The following ENO4 variants were observed in gnomAD, a reference collection of about 807,000 sequenced individuals.
ENO4 encodes 2-phospho-D-glycerate hydro-lyase.
Under a neutral mutation model 63.2 loss-of-function variants are expected in ENO4, and 53 were observed. The observed-to-expected ratio is 0.84, with a 90% CI of 0.67 to 1.05. The LOEUF (loss-of-function observed/expected upper bound fraction) is 1.05. ENO4 is among the 50% of genes least tolerant of loss of function. The pLI is 0.00. For synonymous variants in ENO4, 266 were observed against 283.8 expected, an observed-to-expected ratio of 0.94 and a Z score of 0.63; for missense variants, 719 against 772.0, an observed-to-expected ratio of 0.93 and a Z score of 0.81.
intron 3 of ENO4, among the ~76,000 whole-genome samples, chr10:116,856,906 G>T (rs1200525441): frequency 6.6e-6 from 1 of 151,662 alleles, no homozygotes; most frequent in African/African-American, 2.4e-5. Context: ...GGAGAATGGC[G>T]TGAACCCGGG....
At chr10:116,886,122 C>T (rs1304407975), downstream of ENO4, 1 of 599,580 alleles carries the variant, frequency 1.7e-6, no homozygotes, top group Non-Finnish European at 2.8e-6. Context: ...AAAACCTCAT[C>T]TTTATAAAGA....
Position 116,868,706 on chromosome 10 carries a change from A to T in ENO4, c.1047A>T (p.Gln349His). The T allele has an allele frequency of 6.5e-7, 1 of 1,549,876 alleles. No individual in the cohort carries two copies. The highest frequency in any genetic ancestry group is 8.7e-7 in the Non-Finnish European group (1 of 1,146,332). Reference protein sequence around the residue: ...KKGHDGSKRGQQQITGKMSHL... With the variant: ...KKGHDGSKRGHQQITGKMSHL... ...GGCACGATGGAAGCAAAAGAGGTCAAGTAAGTCTATATATTGTTTACCATC... is the reference window on the plus strand; with the variant it reads ...GGCACGATGGAAGCAAAAGAGGTCATGTAAGTCTATATATTGTTTACCATC... The change falls in exon 8 of 14, where the codon CAA becomes CAT. Residue 349 changes from glutamine (Q) to histidine (H), a missense_variant and splice_region_variant. Gln to His is a conservative substitution (Grantham distance 24). Coordinates refer to ENST00000341276, the MANE Select transcript of ENO4 (RefSeq NM_001242699.2).
chr10:116,900,419 G>T (rs1017239497), intron 10 of ENO4: 3 of 864,512 alleles, frequency 3.5e-6, no homozygotes, highest in African/African-American at 1.7e-5. Flanking sequence ...CACATATTTT[G>T]CAGACCTTGG....
downstream of ENO4, chr10:116,886,058 G>A: frequency 2.5e-6 from 1 of 399,722 alleles, no homozygotes; most frequent in East Asian, 4.4e-5. Flanking sequence ...ATCAACATCT[G>A]AATTTTTTTG....
At chr10:116,892,544 T>C (rs4262647) in intron 10 of ENO4, among the ~76,000 whole-genome samples, 1 of 152,216 alleles carries the variant, frequency 6.6e-6, no homozygotes, top group Admixed American at 6.5e-5. Flanking sequence ...ATATATAACA[T>C]TGGTTCCTTA....
chr10:116,894,785 T>C (rs962411820), intron 10 of ENO4, among the ~76,000 whole-genome samples: 1 of 152,152 alleles, frequency 6.6e-6, no homozygotes, highest in African/African-American at 2.4e-5. Flanking sequence ...AAAGTGTGAA[T>C]ATGGATGAAA....
At position 116,862,829 on chromosome 10, in the gene ENO4, CAT is replaced by C. The variant is rs1444001126; in HGVS notation, c.970_971del (p.Ile324GlnfsTer5). 3.2e-6 allele frequency: 5 copies of C among 1,548,986 alleles called. No homozygotes were observed. The African/African-American group carries it at 6.8e-5, about 21-fold the overall frequency. ...CGAGATGCTTATGGAAATGCAGAAA[CAT>C]ATCAACAAAATAATTGAAATGGTAT... ...GVEMLMEMQK[H>X]INKIIEMPSP... On this transcript the variant is annotated frameshift_variant, in exon 7 of 14. Coordinates refer to ENST00000341276, the MANE Select transcript of ENO4 (RefSeq NM_001242699.2). LOFTEE classifies it high-confidence loss of function.
At chr10:116,891,015 A>G (rs1261978485) in intron 10 of ENO4, among the ~76,000 whole-genome samples, 4 of 152,234 alleles carry the variant, frequency 2.6e-5, no homozygotes, top group Non-Finnish European at 4.4e-5. Flanking sequence ...ATTCAAATTA[A>G]CTAATGCCCA....
intron 1 of ENO4, chr10:116,850,005 G>C (rs2133236529): frequency 3.2e-6 from 2 of 619,862 alleles, no homozygotes; most frequent in South Asian, 3.5e-5. Flanking sequence ...CCAGGGGCTG[G>C]CAGGCTTCCT....
At chr10:116,902,174 A>G (rs1008910427) in intron 10 of ENO4, among the ~76,000 whole-genome samples, 1 of 152,208 alleles carries the variant, frequency 6.6e-6, no homozygotes. Context: ...AATTGTGTAC[A>G]GACCTTTAAG....
intron 3 of ENO4, among the ~76,000 whole-genome samples, chr10:116,858,110 C>G (rs1247097519): frequency 1.3e-5 from 2 of 151,938 alleles, no homozygotes; most frequent in Non-Finnish European, 2.9e-5. Context: ...TGGCATTTTC[C>G]CTCCCCAAAC....
intron 10 of ENO4, among the ~76,000 whole-genome samples, chr10:116,903,283 A>T (rs190994992): frequency 1.3e-5 from 2 of 152,250 alleles, no homozygotes; most frequent in Non-Finnish European, 2.9e-5. Context: ...CTGTAATCCC[A>T]GCACTTTGAG....
chr10:116,898,282 C>T (rs376789204), intron 10 of ENO4, among the ~76,000 whole-genome samples: 34 of 151,166 alleles, frequency 2.2e-4, no homozygotes, highest in African/African-American at 7.8e-4. Context: ...GAGCTAAGAT[C>T]GTGCCATTGT....
intron 3 of ENO4, among the ~76,000 whole-genome samples, chr10:116,858,122 A>G (rs1846318088): frequency 6.6e-6 from 1 of 151,512 alleles, no homozygotes; most frequent in African/African-American, 2.4e-5. Context: ...TCCCCAAACC[A>G]CCCATCTGGA....
chr10:116,911,795 T>A, downstream of ENO4: 1 of 1,611,348 alleles, frequency 6.2e-7, no homozygotes, highest in Middle Eastern at 1.7e-4. Context: ...CTTACCAGTA[T>A]TCCTTTTAGT....
At chr10:116,868,793 C>A in intron 8 of ENO4, 87 bp downstream of exon 8, 1 of 1,241,494 alleles carries the variant, frequency 8.1e-7, no homozygotes, top group Non-Finnish European at 1.2e-6. Flanking sequence ...TCACTTTTTG[C>A]TCCAAGACCA....
intron 1 of ENO4, among the ~76,000 whole-genome samples, chr10:116,853,303 A>C: frequency 6.6e-6 from 1 of 151,780 alleles, no homozygotes; most frequent in Non-Finnish European, 1.5e-5. Context: ...TCAAAAAAAA[A>C]AAAAAAAAAA....
chr10:116,879,842 T>C (rs1316684893), intron 12 of ENO4, 27 bp from the exon 13 acceptor site: 8 of 1,515,318 alleles, frequency 5.3e-6, no homozygotes. Flanking sequence ...CTCCTCCGTC[T>C]AAAATTAGTT....
downstream of ENO4, among the ~76,000 whole-genome samples, chr10:116,886,937 T>C (rs1847183486): frequency 6.6e-6 from 1 of 151,992 alleles, no homozygotes; most frequent in Admixed American, 6.6e-5. Flanking sequence ...CTTAGCTGGA[T>C]GGAGCCAGTT....
Sources: allele counts gnomAD v4.1 joint callset (sites outside exome capture counted in the v4.1 genomes callset), GRCh38; gene constraint gnomAD v4.1.1; transcripts MANE v1.5; gene names NCBI Gene and HGNC (gene_info 2026-07-23, HGNC 2026-07-21).